DPP10: variants seen among roughly 807,000 people sequenced by gnomAD.
DPP10 encodes inactive dipeptidyl peptidase 10.
Under a neutral mutation model 120.9 loss-of-function variants are expected in DPP10, and 33 were observed. The ratio of observed to expected loss-of-function variants is 0.27; its 90% CI spans 0.21 to 0.37. The LOEUF (loss-of-function observed/expected upper bound fraction) is 0.37, where lower values mean the gene tolerates loss of function less well. Ranked by LOEUF, DPP10 falls within the 10% of genes least tolerant of loss-of-function variation. The probability of loss-of-function intolerance (pLI) is 1.00; values close to 1 mark genes in which losing one functional copy is unlikely to be tolerated. For missense variants in DPP10, 816 were observed against 942.8 expected (o/e 0.87, Z 1.76); for synonymous variants, 337 against 326.1 (o/e 1.03, Z -0.36).
At chr2:114,912,638 T>G (rs903534819) in intron 1 of DPP10, among the ~76,000 whole-genome samples, 1 of 151,940 alleles carries the variant, frequency 6.6e-6, no homozygotes, top group Admixed American at 6.6e-5. Flanking sequence ...GATACAGACC[T>G]GGGGCTGAAG....
chr2:115,090,511 G>T (rs1414775012), intron 1 of DPP10, among the ~76,000 whole-genome samples: 1 of 152,100 alleles, frequency 6.6e-6, no homozygotes, highest in Non-Finnish European at 1.5e-5. Flanking sequence ...TCCAATTTAG[G>T]TTTGTCATCT....
intron 5 of DPP10, among the ~76,000 whole-genome samples, chr2:115,684,281 GAGTCTCCTAGCTCAT>G (rs1461356892): frequency 6.6e-6 from 1 of 151,756 alleles, no homozygotes; most frequent in Admixed American, 6.6e-5. Flanking sequence ...TACAACACTA[GAGTCTCCTAGCTCAT>G]AGCTAGGAGC....
intron 1 of DPP10, among the ~76,000 whole-genome samples, chr2:115,081,160 C>T (rs1708244766): frequency 1.3e-5 from 2 of 152,120 alleles, no homozygotes; most frequent in African/African-American, 4.8e-5. Flanking sequence ...CTGCAGATTA[C>T]TGTCTTTCAG....
intron 1 of DPP10, among the ~76,000 whole-genome samples, chr2:114,757,225 GGGGAAGAGGGAGGAAGGAAGGAAAGAAA>G (rs1229513560): frequency 4.1e-5 from 6 of 146,464 alleles, no homozygotes; most frequent in East Asian, 2.0e-4. Context: ...GAGGAAGGGT[GGGGAAGAGGGAGGAAGGAAGGAAAGAAA>G]GGGAAGAGGG....
chr2:115,107,245 A>G (rs1353860354), intron 1 of DPP10, among the ~76,000 whole-genome samples: 1 of 152,022 alleles, frequency 6.6e-6, no homozygotes, highest in Non-Finnish European at 1.5e-5. Context: ...AATAGGGATC[A>G]CCGATTTGAC....
intron 3 of DPP10, among the ~76,000 whole-genome samples, chr2:115,442,058 C>T (rs1371662119): frequency 5.9e-5 from 9 of 151,476 alleles, no homozygotes; most frequent in Admixed American, 1.3e-4. Flanking sequence ...ATGATCTGCC[C>T]GCCTCGGCCT....
At chr2:115,363,157 T>G (rs1311351976) in intron 3 of DPP10, among the ~76,000 whole-genome samples, 3 of 152,272 alleles carry the variant, frequency 2.0e-5, no homozygotes, top group Admixed American at 6.5e-5. Context: ...AGTTAATGTG[T>G]GTATATATTT....
chr2:114,983,524 T>G (rs1700212032), intron 1 of DPP10, among the ~76,000 whole-genome samples: 1 of 152,202 alleles, frequency 6.6e-6, no homozygotes, highest in African/African-American at 2.4e-5. Flanking sequence ...GCTGATATAA[T>G]ATAATTGGTT....
At chr2:114,885,282 C>T (rs1455031435) in intron 1 of DPP10, among the ~76,000 whole-genome samples, 26 of 152,016 alleles carry the variant, frequency 1.7e-4, no homozygotes, top group Admixed American at 1.6e-3. Flanking sequence ...AGTGTGGAGG[C>T]GCAGGTGCCG....
chr2:115,333,498 G>A (rs966559962), intron 2 of DPP10, among the ~76,000 whole-genome samples: 1 of 152,120 alleles, frequency 6.6e-6, no homozygotes, highest in Admixed American at 6.6e-5. Flanking sequence ...CTCGTTAGTT[G>A]ATGCAGTGTC....
intron 1 of DPP10, among the ~76,000 whole-genome samples, chr2:115,045,986 T>C (rs931942582): frequency 7.1e-6 from 1 of 139,986 alleles, no homozygotes; most frequent in Non-Finnish European, 1.5e-5. Context: ...ATTTTGTGTG[T>C]GCTGAAAGGC....
chr2:115,009,320 A>G (rs572050016), intron 1 of DPP10, among the ~76,000 whole-genome samples: 73 of 151,940 alleles, frequency 4.8e-4, no homozygotes, highest in African/African-American at 1.7e-3. Context: ...TCAGTAAACT[A>G]TCCCAAGAAC....
Position 114,988,791 on chromosome 2 carries a change from G to A in DPP10, c.61-320448G>A, listed in dbSNP as rs1215283303. Among the ~76,000 whole-genome samples the A allele has an allele frequency of 3.3e-5, 5 of 151,988 alleles. 1 individual carries two copies. Among genetic ancestry groups the A allele is most frequent in the East Asian group, 3.9e-4 (2 of 5,188 alleles). On this transcript the variant is annotated intron_variant, in intron 1 of 25. Coordinates refer to ENST00000410059, the MANE Select transcript of DPP10 (RefSeq NM_020868.6). Reference sequence around the variant, plus strand: ...GTTTATACATTGTTTCTTGTATTTTGTTTACACTGAATAAATCTATAGAAT... The same window carrying A: ...GTTTATACATTGTTTCTTGTATTTTATTTACACTGAATAAATCTATAGAAT...
chr2:115,294,903 C>T (rs1273974865), intron 1 of DPP10, among the ~76,000 whole-genome samples: 2 of 151,968 alleles, frequency 1.3e-5, no homozygotes, highest in African/African-American at 2.4e-5. Context: ...CCCCTCCTCC[C>T]GACACAGACA....
chr2:114,445,486 T>C (rs1677887091), intron 1 of DPP10, among the ~76,000 whole-genome samples: 1 of 151,388 alleles, frequency 6.6e-6, no homozygotes, highest in African/African-American at 2.4e-5. Flanking sequence ...AATGCATTGC[T>C]AAAATAGCTG....
rs561263882 is a variant in DPP10, at chr2:115,123,630, T to C, written c.61-185609T>C. Among the ~76,000 whole-genome samples the C allele has an allele frequency of 3.7e-4, 57 of 152,274 alleles. 2 individuals are homozygous for C. The South Asian group carries it at 0.011, about 30-fold the overall frequency. ...TGATGACAGATTCAGCTCTTTTCTATCTGCTAGGAGACCGTCTTTTCCTGG... is the reference window on the plus strand; with the variant it reads ...TGATGACAGATTCAGCTCTTTTCTACCTGCTAGGAGACCGTCTTTTCCTGG... On this transcript the variant is annotated intron_variant, in intron 1 of 25. Coordinates refer to ENST00000410059, the MANE Select transcript of DPP10 (RefSeq NM_020868.6).
intron 11 of DPP10, among the ~76,000 whole-genome samples, chr2:115,759,879 G>A (rs913454545): frequency 2.0e-5 from 3 of 151,874 alleles, no homozygotes; most frequent in Non-Finnish European, 4.4e-5. Context: ...GCATGTTGGC[G>A]CATGCCTGTA....
chr2:114,613,912 G>A (rs1385443974), intron 1 of DPP10, among the ~76,000 whole-genome samples: 3 of 152,038 alleles, frequency 2.0e-5, no homozygotes, highest in South Asian at 4.1e-4. Context: ...AGTGGGAGTA[G>A]AACAATGAGA....
chr2:115,268,892 G>A (rs2059572108), intron 1 of DPP10, among the ~76,000 whole-genome samples: 2 of 137,278 alleles, frequency 1.5e-5, no homozygotes, highest in South Asian at 5.1e-4. Context: ...GCTCACGCCT[G>A]TAATCCCAGC....
Sources: allele counts gnomAD v4.1 joint callset (sites outside exome capture counted in the v4.1 genomes callset), GRCh38; gene constraint gnomAD v4.1.1; transcripts MANE v1.5; gene names NCBI Gene and HGNC (gene_info 2026-07-23, HGNC 2026-07-21).